Variants in GSE1 observed in about 807,000 individuals in gnomAD.
GSE1 encodes genetic suppressor element 1.
GSE1 carries 32 observed loss-of-function variants against 112.6 expected under a neutral mutation model. The observed-to-expected ratio is 0.28, with a 90% confidence interval of 0.21 to 0.38. The LOEUF is 0.38. Among genes scored for constraint, GSE1 ranks in the 10% least tolerant of loss-of-function variants. The probability of loss-of-function intolerance (pLI) is 1.00; values close to 1 mark genes in which losing one functional copy is unlikely to be tolerated. For synonymous variants in GSE1, 1,115 were observed against 735.6 expected (o/e 1.52, Z -8.35); for missense variants, 2,348 against 1,699.2 (o/e 1.38, Z -6.71).
chr16:85,357,717 C>A, intron 2 of GSE1: 1 of 1,002,966 alleles, frequency 1.0e-6, no homozygotes, highest in Non-Finnish European at 1.4e-6. Flanking sequence ...TGGGGGCTCC[C>A]AGAGCCGAGT....
At chr16:85,249,243 T>A (rs1480242647) in intron 1 of GSE1, among the ~76,000 whole-genome samples, 1 of 152,242 alleles carries the variant, frequency 6.6e-6, no homozygotes, top group East Asian at 1.9e-4. Context: ...CCAGCAGGAA[T>A]GAAGCTGCCT....
chr16:85,572,307 C>T (rs2046028060), intron 1 of GSE1, among the ~76,000 whole-genome samples: 1 of 143,134 alleles, frequency 7.0e-6, no homozygotes, highest in Non-Finnish European at 1.5e-5. Flanking sequence ...ACACACACCA[C>T]ATACCACACA....
chr16:85,575,423 C>A (rs1048051543), intron 1 of GSE1, among the ~76,000 whole-genome samples: 2 of 152,160 alleles, frequency 1.3e-5, no homozygotes, highest in Admixed American at 1.3e-4. Flanking sequence ...TACACACAGA[C>A]CCCTCCTTGC....
At chr16:85,500,293 C>T (rs1301326718) in intron 2 of GSE1, among the ~76,000 whole-genome samples, 1 of 152,202 alleles carries the variant, frequency 6.6e-6, no homozygotes, top group Non-Finnish European at 1.5e-5. Flanking sequence ...TGCAAACCTC[C>T]AGAGAAGTGA....
intron 2 of GSE1, among the ~76,000 whole-genome samples, chr16:85,509,314 G>A (rs549870572): frequency 1.3e-3 from 194 of 152,312 alleles, no homozygotes; most frequent in Non-Finnish European, 2.2e-3. Flanking sequence ...TGGGGGACCG[G>A]GGCTGCGGTC....
intron 1 of GSE1, chr16:85,283,257 G>C (rs544299154): frequency 6.5e-6 from 1 of 152,966 alleles, no homozygotes; most frequent in African/African-American, 2.4e-5. Flanking sequence ...TGTGCCTCCC[G>C]TGTCCTCGCT....
chr16:85,355,102 G>A (rs1016062487), intron 1 of GSE1, among the ~76,000 whole-genome samples: 60 of 152,342 alleles, frequency 3.9e-4, no homozygotes, highest in African/African-American at 1.1e-3. Flanking sequence ...AGCATTCCCG[G>A]AAACAAACGG....
intron 1 of GSE1, among the ~76,000 whole-genome samples, chr16:85,339,463 A>G (rs917549722): frequency 8.6e-5 from 13 of 151,722 alleles, no homozygotes; most frequent in African/African-American, 3.1e-4. Flanking sequence ...TTTATTTCCT[A>G]TGTTTCCTTT....
chr16:85,219,433 A>T (rs1386090958), intron 1 of GSE1, among the ~76,000 whole-genome samples: 1 of 152,204 alleles, frequency 6.6e-6, no homozygotes, highest in Non-Finnish European at 1.5e-5. Flanking sequence ...CCCAGGACAG[A>T]CCTACCGCAT....
chr16:85,171,828 C>T, intron 1 of GSE1: 1 of 976,050 alleles, frequency 1.0e-6, no homozygotes, highest in Non-Finnish European at 1.2e-6. Flanking sequence ...GTTTTCATCT[C>T]ATCTTAGACG....
chr16:85,513,509 C>T (rs774736964), intron 2 of GSE1, among the ~76,000 whole-genome samples: 35 of 152,260 alleles, frequency 2.3e-4, no homozygotes, highest in Non-Finnish European at 2.9e-4. Flanking sequence ...ACGCACCCAA[C>T]GTCCTCTCTT....
At chr16:85,555,766 A>G, upstream of GSE1, 1 of 974,054 alleles carries the variant, frequency 1.0e-6, no homozygotes, top group South Asian at 4.8e-5. Flanking sequence ...CAAATGGCTG[A>G]ATGGAGGAGA....
At chr16:85,543,968 G>A (rs2151215202) in intron 2 of GSE1, among the ~76,000 whole-genome samples, 1 of 152,306 alleles carries the variant, frequency 6.6e-6, no homozygotes, top group Admixed American at 6.5e-5. Flanking sequence ...CTCCCAAGTA[G>A]CTGGGACTAC....
chr16:85,670,971 C>T (rs1048140374), intron 14 of GSE1, 24 bp from the exon 15 acceptor site: 11 of 1,460,332 alleles, frequency 7.5e-6, no homozygotes, highest in Non-Finnish European at 9.6e-6. Context: ...ACGGAAAATA[C>T]ATCACCATCT....
intron 1 of GSE1, among the ~76,000 whole-genome samples, chr16:85,295,042 C>G (rs978450078): frequency 1.1e-4 from 17 of 152,192 alleles, no homozygotes; most frequent in African/African-American, 4.1e-4. Context: ...GGAGCTACCT[C>G]TCCACCAAAT....
intron 2 of GSE1, among the ~76,000 whole-genome samples, chr16:85,413,800 C>T (rs552331366): frequency 6.6e-6 from 1 of 152,192 alleles, no homozygotes; most frequent in South Asian, 2.1e-4. Context: ...AATTGTAATC[C>T]CCAGCTGTTG....
intron 2 of GSE1, among the ~76,000 whole-genome samples, chr16:85,536,551 T>C (rs2044334847): frequency 6.6e-6 from 1 of 152,168 alleles, no homozygotes; most frequent in Non-Finnish European, 1.5e-5. Flanking sequence ...AACGGAGGGC[T>C]GGGCCTCCGC....
At position 85,217,399 on chromosome 16, in the gene GSE1, G is replaced by A. The variant is rs569424759; in HGVS notation, c.2283+45592G>A. On this transcript the variant is annotated intron_variant, in intron 1 of 2. Transcript: ENST00000637419. ...GAAGCCGCCACGCCTGGGACCATGC[G>A]AAGGCTGGCGATCCCTCCAGAGAAC... 2.6e-5 allele frequency among the ~76,000 whole-genome samples: 4 copies of A among 152,172 alleles called. No individual in the cohort carries two copies. The South Asian group carries it at 8.3e-4, about 32-fold the overall frequency.
chr16:85,364,750 A>T (rs2049663831), intron 2 of GSE1, among the ~76,000 whole-genome samples: 1 of 152,104 alleles, frequency 6.6e-6, no homozygotes, highest in Non-Finnish European at 1.5e-5. Context: ...GTTGGCCTGG[A>T]CCAGCTCACA....
Sources: allele counts gnomAD v4.1 joint callset (sites outside exome capture counted in the v4.1 genomes callset), GRCh38; gene constraint gnomAD v4.1.1; transcripts MANE v1.5; gene names NCBI Gene and HGNC (gene_info 2026-07-23, HGNC 2026-07-21).